Variants in SAG observed in about 807,000 individuals in gnomAD.
SAG encodes the protein S-antigen visual arrestin.
A neutral mutation model predicts 55.0 loss-of-function variants in SAG; 45 were observed. That is an observed-to-expected ratio of 0.82 (90% CI 0.64 to 1.05). SAG has a LOEUF of 1.05. Ranked by LOEUF, SAG falls within the 50% of genes least tolerant of loss-of-function variation. The pLI, the probability that SAG is intolerant of heterozygous loss-of-function variation, is 0.00. For synonymous variants in SAG, 189 were observed against 197.4 expected (o/e 0.96, Z 0.36); for missense variants, 455 against 512.1 (o/e 0.89, Z 1.08).
chr2:233,343,814 T>A, intron 14 of SAG: 1 of 974,450 alleles, frequency 1.0e-6, no homozygotes, highest in Non-Finnish European at 1.2e-6. Flanking sequence ...TTTATTTTTC[T>A]CATACTTTAC....
intron 2 of SAG, among the ~76,000 whole-genome samples, chr2:233,311,942 A>G (rs1242213855): frequency 4.6e-5 from 7 of 152,202 alleles, no homozygotes; most frequent in African/African-American, 1.7e-4. Context: ...CCTGGCCAAC[A>G]TGGAGAAACC....
At chr2:233,315,840 C>G (rs1025261663) in intron 2 of SAG, among the ~76,000 whole-genome samples, 52 of 151,332 alleles carry the variant, frequency 3.4e-4, no homozygotes, top group African/African-American at 1.3e-3. Context: ...GTAGCTGGGA[C>G]TACAGGCGCG....
chr2:233,320,578 G>A, intron 4 of SAG, 52 bp from the exon 5 acceptor site: 1 of 1,411,824 alleles, frequency 7.1e-7, no homozygotes, highest in South Asian at 1.3e-5. Context: ...GTCAGTGGTG[G>A]TGGGTGCCAG....
At chr2:233,343,042 G>A (rs1372190026) in intron 14 of SAG, 2 of 151,260 alleles carry the variant, frequency 1.3e-5, no homozygotes, top group Admixed American at 1.3e-4. Flanking sequence ...ACAGGCATGA[G>A]CCACTGCACC....
At chr2:233,334,794 A>G (rs534759180) in intron 10 of SAG, 168 bp from the exon 11 acceptor site, 331 of 679,022 alleles carry the variant, frequency 4.9e-4, no homozygotes, top group Non-Finnish European at 7.6e-4. Context: ...AGATTTCACA[A>G]GCACTGTTCT....
intron 10 of SAG, chr2:233,334,536 C>T (rs1048770634): frequency 6.0e-6 from 1 of 166,228 alleles, no homozygotes; most frequent in African/African-American, 2.4e-5. Context: ...CACACAGTCA[C>T]ACTGTGACCC....
chr2:233,340,501 TTTGA>T lies in SAG; in HGVS notation c.1046+27_1046+30del, dbSNP rs749921359. ...CAGGTAAGCCTGTTCACCTTCCTTG[TTTGA>T]TTGTTTCTCAAGATATCAAAGGCAG... On this transcript the variant is annotated intron_variant, in intron 13 of 15. Transcript: ENST00000409110. This position sits in a 1 kb window ranked among gnomAD's most constrained non-coding sequence, Gnocchi z 4.2. 146 of 1,600,338 alleles carry T rather than the reference TTTGA, an allele frequency of 9.1e-5. No homozygotes were observed. Among genetic ancestry groups the T allele is most frequent in the Middle Eastern group, 1.6e-4 (1 of 6,064 alleles).
At chr2:233,321,219 C>T (rs1700370785) in intron 5 of SAG, among the ~76,000 whole-genome samples, 1 of 152,136 alleles carries the variant, frequency 6.6e-6, no homozygotes, top group Admixed American at 6.5e-5. Context: ...TTTTTCCTTG[C>T]CCACAGCTTG....
In SAG at chr2:233,329,542, A is replaced by G; in HGVS notation, c.698A>G (p.Asn233Ser). ...CCTGTGACCGTGACTGTCACCAATAACACAGAGAAGACCGTGAAGAAGATT... is the reference window on the plus strand; with the variant it reads ...CCTGTGACCGTGACTGTCACCAATAGCACAGAGAAGACCGTGAAGAAGATT... ...PIPVTVTVTN[N>S]TEKTVKKIKA... is the part of the protein sequence containing the mutation. The change falls in exon 9 of 16, where the codon AAC becomes AGC. Residue 233 changes from asparagine (N) to serine (S), a missense_variant. Physicochemically the swap from Asn to Ser is conservative, Grantham distance 46 (BLOSUM62 1). Coordinates refer to ENST00000409110, the MANE Select transcript of SAG (RefSeq NM_000541.5). 3 of 1,613,446 alleles carry G rather than the reference A, an allele frequency of 1.9e-6. No individual in the cohort carries two copies. The highest frequency in any genetic ancestry group is 1.3e-5 in the African/African-American group (1 of 75,026).
intron 7 of SAG, 171 bp from the exon 8 acceptor site, chr2:233,328,307 C>A: frequency 1.5e-6 from 1 of 677,538 alleles, no homozygotes; most frequent in Non-Finnish European, 2.4e-6. Flanking sequence ...GGCTCTTCCA[C>A]CGTCAGGGCT....
chr2:233,310,364 AATAAT>A (rs1451846534), intron 2 of SAG, among the ~76,000 whole-genome samples: 1 of 152,184 alleles, frequency 6.6e-6, no homozygotes, highest in Non-Finnish European at 1.5e-5. Flanking sequence ...ACTTGTAAAT[AATAAT>A]ATAAGAATTA....
intron 11 of SAG, among the ~76,000 whole-genome samples, chr2:233,337,165 G>A (rs1187665626): frequency 6.6e-6 from 1 of 151,458 alleles, no homozygotes; most frequent in Non-Finnish European, 1.5e-5. Flanking sequence ...TCCCTTTGGA[G>A]GTATCCTCTC....
intron 5 of SAG, among the ~76,000 whole-genome samples, chr2:233,321,234 A>G (rs1347210865): frequency 6.6e-6 from 1 of 152,124 alleles, no homozygotes; most frequent in East Asian, 1.9e-4. Flanking sequence ...AGCTTGGGGG[A>G]TCACAGGAGA....
chr2:233,336,656 A>C (rs1700941542), intron 11 of SAG, among the ~76,000 whole-genome samples: 1 of 152,202 alleles, frequency 6.6e-6, no homozygotes, highest in African/African-American at 2.4e-5. Flanking sequence ...AAGGTCACTG[A>C]ATCAGTTAAT....
chr2:233,334,669 T>TGAC (rs1362459895), intron 10 of SAG: 1 of 306,788 alleles, frequency 3.3e-6, no homozygotes, highest in African/African-American at 2.1e-5. Context: ...CTGTGGTCTC[T>TGAC]GACTCTTGAG....
intron 2 of SAG, among the ~76,000 whole-genome samples, chr2:233,313,435 G>C (rs1700131915): frequency 6.6e-6 from 1 of 152,158 alleles, no homozygotes; most frequent in African/African-American, 2.4e-5. Context: ...TGAGCAGCCA[G>C]TAGACACTGA....
intron 7 of SAG, chr2:233,327,978 A>G (rs1418092375): frequency 6.5e-6 from 1 of 153,054 alleles, no homozygotes; most frequent in Non-Finnish European, 1.5e-5. Context: ...CATTGAGCCT[A>G]CCGCTCCATC....
intron 4 of SAG, 160 bp downstream of exon 4, chr2:233,318,955 T>C (rs754698481): frequency 1.3e-6 from 1 of 747,076 alleles, no homozygotes. Context: ...CACACTCCTG[T>C]ACCTAATTCA....
intron 10 of SAG, chr2:233,334,273 C>G (rs1700855894): frequency 6.6e-6 from 1 of 152,310 alleles, no homozygotes; most frequent in Admixed American, 6.5e-5. Context: ...GCCGCAGAGG[C>G]TGCTTCATGA....
Sources: gnomAD v4.1 joint callset for allele counts (sites outside exome capture counted in the v4.1 genomes callset) on GRCh38, gnomAD v4.1.1 for gene constraint, Gnocchi (gnomAD v3.1) non-coding constraint, MANE v1.5 for transcripts, NCBI Gene and HGNC (gene_info 2026-07-23, HGNC 2026-07-21) for gene names.